RPS6KA2: variants seen among roughly 807,000 people sequenced by gnomAD.
RPS6KA2 encodes the protein ribosomal protein S6 kinase A2.
RPS6KA2 carries 42 observed loss-of-function variants against 91.8 expected under a neutral mutation model. That is an observed-to-expected ratio of 0.46 (90% CI 0.36 to 0.59). The LOEUF (loss-of-function observed/expected upper bound fraction) is 0.59. Ranked by LOEUF, RPS6KA2 falls within the 20% of genes least tolerant of loss-of-function variation. RPS6KA2 has a pLI of 0.00. For missense variants in RPS6KA2, 798 were observed against 978.5 expected, an observed-to-expected ratio of 0.82 and a Z score of 2.46; for synonymous variants, 414 against 393.6, an observed-to-expected ratio of 1.05 and a Z score of -0.61.
At chr6:166,815,796 C>A (rs1215197002) in intron 2 of RPS6KA2, among the ~76,000 whole-genome samples, 1 of 152,138 alleles carries the variant, frequency 6.6e-6, no homozygotes, top group East Asian at 1.9e-4. Flanking sequence ...AAGTTTTGAG[C>A]CCTGGAGAGG....
intron 2 of RPS6KA2, among the ~76,000 whole-genome samples, chr6:166,751,133 A>C (rs1791270343): frequency 1.3e-5 from 2 of 152,174 alleles, no homozygotes; most frequent in South Asian, 4.1e-4. Context: ...GAAATAGCGG[A>C]GCAGTAAGAT....
chr6:166,442,543 G>A (rs2294327), intron 14 of RPS6KA2, among the ~76,000 whole-genome samples: 6,861 of 152,186 alleles, frequency 0.045, 222 homozygotes, highest in East Asian at 0.11. Context: ...TGCTTGGCAC[G>A]TACTGAGTAT....
At chr6:166,469,097 T>C (rs998614679) in intron 11 of RPS6KA2, among the ~76,000 whole-genome samples, 3 of 152,200 alleles carry the variant, frequency 2.0e-5, no homozygotes, top group African/African-American at 7.2e-5. Flanking sequence ...CCTCCGAGTT[T>C]TAGCCGCGAG....
At chr6:166,556,613 G>A (rs1784185347) in intron 1 of RPS6KA2, among the ~76,000 whole-genome samples, 1 of 152,178 alleles carries the variant, frequency 6.6e-6, no homozygotes, top group Non-Finnish European at 1.5e-5. Flanking sequence ...AGACTCAAGA[G>A]TACAGAGGTG....
rs968574414 is a variant in RPS6KA2, at chr6:166,825,029, C to A, written c.123+33171G>T. ...GGAGCACCCCAGGGAGCTGCCTTCC[C>A]GTCCGTCTTCTGCCTCCACCCACAC... is the stretch of plus-strand genomic sequence containing the variant. On this transcript the variant is annotated intron_variant, in intron 2 of 21. Coordinates refer to the RPS6KA2 transcript ENST00000503859. The surrounding 1 kb of genome is among the most constrained non-coding windows in gnomAD (Gnocchi z 4.1). Among the ~76,000 whole-genome samples the A allele has an allele frequency of 1.3e-4, 20 of 152,246 alleles. No individual in the cohort carries two copies. The highest frequency in any genetic ancestry group is 4.6e-4 in the African/African-American group (19 of 41,458).
chr6:166,563,311 G>A lies in RPS6KA2; in HGVS notation c.100-24527C>T, dbSNP rs1020960103. Among the ~76,000 whole-genome samples the A allele has an allele frequency of 2.0e-5, 3 of 152,174 alleles. No homozygotes were observed. Among genetic ancestry groups the A allele is most frequent in the African/African-American group, 7.2e-5 (3 of 41,442 alleles). Reference sequence around the variant, plus strand: ...CAGCGGGAAGCACTCGGAGGAGCGGGGGCCAACCCGGAATCAGCCTCTGTT... The same window carrying A: ...CAGCGGGAAGCACTCGGAGGAGCGGAGGCCAACCCGGAATCAGCCTCTGTT... On this transcript the variant is annotated intron_variant, in intron 1 of 20. Transcript: ENST00000265678. This position sits in a 1 kb window ranked among gnomAD's most constrained non-coding sequence, Gnocchi z 4.1.
At chr6:166,510,606 T>TATAC (rs1782443659) in intron 3 of RPS6KA2, among the ~76,000 whole-genome samples, 1 of 83,290 alleles carries the variant, frequency 1.2e-5, no homozygotes, top group Non-Finnish European at 2.5e-5. Flanking sequence ...TATATATATA[T>TATAC]ATATGCATCT....
At chr6:166,491,664 T>C (rs1353469825) in intron 8 of RPS6KA2, among the ~76,000 whole-genome samples, 2 of 152,234 alleles carry the variant, frequency 1.3e-5, no homozygotes, top group Non-Finnish European at 2.9e-5. Flanking sequence ...TTGCTGCGTG[T>C]GTCTCTGCCC....
chr6:166,856,694 C>A (rs6456132), intron 2 of RPS6KA2, among the ~76,000 whole-genome samples: 144,029 of 152,270 alleles, frequency 0.95, 68,450 homozygotes, highest in Non-Finnish European at 0.99. Flanking sequence ...AAAGCCTAGG[C>A]AAGTATTCTG....
At chr6:166,474,387 T>TG (rs1207174129) in intron 10 of RPS6KA2, among the ~76,000 whole-genome samples, 1 of 152,238 alleles carries the variant, frequency 6.6e-6, no homozygotes, top group African/African-American at 2.4e-5. Context: ...GCTTAGGTGA[T>TG]GGGCGTTGAT....
At chr6:166,714,659 C>G (rs1018581510) in intron 2 of RPS6KA2, among the ~76,000 whole-genome samples, 1 of 152,148 alleles carries the variant, frequency 6.6e-6, no homozygotes, top group Non-Finnish European at 1.5e-5. Context: ...AAGGAGCACC[C>G]GAACCGCCTG....
chr6:166,504,365 G>A (rs948363649), intron 6 of RPS6KA2, 141 bp downstream of exon 6: 11 of 556,092 alleles, frequency 2.0e-5, no homozygotes, highest in Admixed American at 7.0e-5. Context: ...CGGTCCTGCC[G>A]GCACAAGAGT....
intron 2 of RPS6KA2, among the ~76,000 whole-genome samples, chr6:166,854,677 T>C (rs7768498): frequency 0.13 from 19,676 of 152,120 alleles, 3,030 homozygotes; most frequent in African/African-American, 0.36. Flanking sequence ...CAAAATTTCT[T>C]TCTTTTTCAA....
intron 1 of RPS6KA2, among the ~76,000 whole-genome samples, chr6:166,568,621 GAAAAAAAAAAAAAAAAAAAAA>G (rs60613942): frequency 3.3e-4 from 15 of 45,532 alleles, no homozygotes; most frequent in South Asian, 1.0e-3. Context: ...CTCCATCTCA[GAAAAAAAAAAAAAAAAAAAAA>G]AAAAAAAAAA....
In RPS6KA2 at chr6:166,612,191, G is replaced by C. The variant is rs550374906; in HGVS notation, c.99+14730C>G. 3.6e-4 allele frequency among the ~76,000 whole-genome samples: 55 copies of C among 152,068 alleles called. No homozygotes were observed. The highest frequency in any genetic ancestry group is 2.7e-3 in the East Asian group (14 of 5,168). ...GGGCCAGGGAACTCACTGACCATCT[G>C]GGGGGGCTCTAGGAAAAGCCTGGAA... On this transcript the variant is annotated intron_variant, in intron 1 of 20. Transcript: ENST00000265678. The surrounding 1 kb of genome is among the most constrained non-coding windows in gnomAD (Gnocchi z 4.3).
chr6:166,637,892 G>A (rs189418095), intron 2 of RPS6KA2, among the ~76,000 whole-genome samples: 10 of 152,374 alleles, frequency 6.6e-5, no homozygotes, highest in Admixed American at 4.6e-4. Flanking sequence ...CCAGCAGGGC[G>A]CTGCACTTGG....
At chr6:166,521,047 G>C (rs1030976224) in intron 3 of RPS6KA2, among the ~76,000 whole-genome samples, 1 of 152,254 alleles carries the variant, frequency 6.6e-6, no homozygotes, top group East Asian at 1.9e-4. Context: ...GCTGTCCCGG[G>C]TGCAGCTCTG....
In RPS6KA2 at chr6:166,766,582, G is replaced by GT. The variant is rs924794378; in HGVS notation, c.123+91617dup. On this transcript the variant is annotated intron_variant, in intron 2 of 21. Coordinates refer to the RPS6KA2 transcript ENST00000503859. ...GAATATGATAAAACTTTGATGTACT[G>GT]TTTTTTCCCCTAAAATTAATGATTT... Among the ~76,000 whole-genome samples, 50 of 152,268 alleles carry GT rather than the reference G, an allele frequency of 3.3e-4. 1 individual carries two copies. Among genetic ancestry groups the GT allele is most frequent in the African/African-American group, 1.1e-3 (45 of 41,542 alleles).
intron 3 of RPS6KA2, among the ~76,000 whole-genome samples, chr6:166,530,339 C>T (rs1350676839): frequency 2.6e-5 from 4 of 152,180 alleles, no homozygotes; most frequent in Non-Finnish European, 5.9e-5. Context: ...CCCTAAAAGG[C>T]TTCAGTTCCC....
Sources: gnomAD v4.1 joint callset for allele counts (sites outside exome capture counted in the v4.1 genomes callset) on GRCh38, gnomAD v4.1.1 for gene constraint, Gnocchi (gnomAD v3.1) non-coding constraint, MANE v1.5 for transcripts, NCBI Gene and HGNC (gene_info 2026-07-23, HGNC 2026-07-21) for gene names.